FBXO33: variants seen among roughly 807,000 people sequenced by gnomAD.
The protein encoded by FBXO33 is F-box only protein 33.
A neutral mutation model predicts 46.3 loss-of-function variants in FBXO33; 22 were observed. The observed-to-expected ratio is 0.48, with a 90% CI of 0.34 to 0.68. The LOEUF is 0.68. Ranked by LOEUF, FBXO33 falls within the 30% of genes least tolerant of loss-of-function variation. FBXO33 has a pLI of 0.01. For synonymous variants in FBXO33, 337 were observed against 291.3 expected, an observed-to-expected ratio of 1.16 and a Z score of -1.60; for missense variants, 692 against 708.8, an observed-to-expected ratio of 0.98 and a Z score of 0.27.
intron 1 of FBXO33, among the ~76,000 whole-genome samples, chr14:39,404,350 GGA>G: frequency 6.6e-6 from 1 of 152,000 alleles, no homozygotes; most frequent in Non-Finnish European, 1.5e-5. Context: ...TGTTTGAGAT[GGA>G]GTCTCGCTCT....
chr14:39,414,023 G>T (rs929561770), intron 1 of FBXO33, among the ~76,000 whole-genome samples: 6 of 152,162 alleles, frequency 3.9e-5, no homozygotes, highest in Non-Finnish European at 7.4e-5. Context: ...GTCTTTTGAC[G>T]CTTTTAAAGT....
Position 39,399,380 on chromosome 14 carries a change from G to T in FBXO33, c.*136C>A. 1 of 764,188 alleles carries T rather than the reference G, an allele frequency of 1.3e-6. No homozygotes were observed. The allele number at this position is 764,188 out of a possible 1,614,324, so 47.3% of individuals were successfully genotyped here. A position where few individuals can be genotyped will look rare whatever the true frequency, so the allele number is the denominator to read the frequency against. ...GACTACGTTCTTTGATCAAGAAGTA[G>T]AATATACATATATAATTCTATAAAG... On this transcript the variant is annotated 3_prime_UTR_variant, in exon 4 of 4. Transcript: ENST00000298097.
chr14:39,422,458 G>T (rs1181409490), intron 1 of FBXO33, among the ~76,000 whole-genome samples: 1 of 152,146 alleles, frequency 6.6e-6, no homozygotes. Flanking sequence ...TGAAATGTCA[G>T]ATCACATCAC....
chr14:39,423,873 T>C (rs966589277), intron 1 of FBXO33, among the ~76,000 whole-genome samples: 7 of 152,172 alleles, frequency 4.6e-5, no homozygotes, highest in Non-Finnish European at 7.3e-5. Flanking sequence ...CAAAGGTATA[T>C]TGTGTAATAC....
chr14:39,401,258 T>C lies in FBXO33; in HGVS notation c.1314A>G (p.Pro438=). The C allele has an allele frequency of 6.2e-7, 1 of 1,613,962 alleles. No individual in the cohort carries two copies. The highest frequency in any genetic ancestry group is 8.5e-7 in the Non-Finnish European group (1 of 1,179,976). ...CTTCATTTCGGTTGTCACTAAGATC[T>C]GGAAAACCAGATGTGTCAATCACAT... ...MNDVIDTSGF[P]DLSDNRNEDP... is the part of the protein sequence containing the mutation. Residue 438 remains proline (P), a synonymous_variant, in exon 3 of 4, where the codon CCA becomes CCG. Coordinates refer to ENST00000298097, the MANE Select transcript of FBXO33 (RefSeq NM_203301.4).
chr14:39,408,018 G>C (rs1296961256), intron 1 of FBXO33, among the ~76,000 whole-genome samples: 1 of 152,192 alleles, frequency 6.6e-6, no homozygotes. Flanking sequence ...TAGGCTCACT[G>C]CAGCCTCAAC....
chr14:39,401,937 G>T, intron 2 of FBXO33, 76 bp from the exon 3 acceptor site: 3 of 1,229,440 alleles, frequency 2.4e-6, no homozygotes, highest in Non-Finnish European at 3.4e-6. Flanking sequence ...TTTGAAAATA[G>T]GCAATGAAAA....
In FBXO33 at chr14:39,398,465, CTTTTTTT is replaced by C. The variant is rs57604339; in HGVS notation, c.*1044_*1050del. 4.8e-5 allele frequency: 6 copies of C among 125,884 alleles called. No individual in the cohort carries two copies. Among genetic ancestry groups the C allele is most frequent in the South Asian group, 2.6e-4 (1 of 3,902 alleles). The allele number at this position is 125,884 out of a possible 1,614,324, so 7.8% of individuals were successfully genotyped here. A position where few individuals can be genotyped will look rare whatever the true frequency, so the allele number is the denominator to read the frequency against. Reference sequence around the variant, plus strand: ...TGAAACAGGTGCATGTTTTTTTTTTCTTTTTTTTTTTTTTTTGTTTTGTTTTTTCAGA... The same window carrying C: ...TGAAACAGGTGCATGTTTTTTTTTTCTTTTTTTTTGTTTTGTTTTTTCAGA... On this transcript the variant is annotated 3_prime_UTR_variant, in exon 4 of 4. Coordinates refer to ENST00000298097, the MANE Select transcript of FBXO33 (RefSeq NM_203301.4).
At chr14:39,422,634 C>T (rs553897103) in intron 1 of FBXO33, among the ~76,000 whole-genome samples, 32 of 152,096 alleles carry the variant, frequency 2.1e-4, no homozygotes, top group Middle Eastern at 3.2e-3. Context: ...TCTTTTTTCA[C>T]CCTTCATAAG....
chr14:39,400,652 G>A (rs939607096), intron 3 of FBXO33, among the ~76,000 whole-genome samples: 2 of 152,098 alleles, frequency 1.3e-5, no homozygotes, highest in African/African-American at 2.4e-5. Context: ...ACAAGTATCC[G>A]AAAAGGAAGT....
rs574034818 is a variant in FBXO33, at chr14:39,410,641, G to C, written c.600-8130C>G. Among the ~76,000 whole-genome samples the C allele has an allele frequency of 7.9e-5, 12 of 152,308 alleles. No homozygotes were observed. The South Asian group carries it at 2.3e-3, about 29-fold the overall frequency. On this transcript the variant is annotated intron_variant, in intron 1 of 3. Transcript: ENST00000298097. ...ATATTTGGTAGAATTCACCTGTGAA[G>C]CCATCCAGTCCTGGGCTTTTCTTTT...
chr14:39,428,580 T>C (rs1196140075), intron 1 of FBXO33, among the ~76,000 whole-genome samples: 2 of 152,148 alleles, frequency 1.3e-5, no homozygotes, highest in Non-Finnish European at 2.9e-5. Flanking sequence ...ATGTAAAACA[T>C]TTATACAGCC....
intron 1 of FBXO33, among the ~76,000 whole-genome samples, chr14:39,426,530 T>G (rs142401546): frequency 9.1e-4 from 138 of 152,374 alleles, no homozygotes; most frequent in African/African-American, 2.9e-3. Context: ...TCTTCTATCC[T>G]TGGAATATAT....
At chr14:39,402,330 T>C in intron 2 of FBXO33, 71 bp downstream of exon 2, 1 of 813,300 alleles carries the variant, frequency 1.2e-6, no homozygotes, top group Non-Finnish European at 1.8e-6. Flanking sequence ...CTTCTGTTTG[T>C]ATCTCATAAT....
chr14:39,430,379 T>C (rs2075536889), intron 1 of FBXO33, among the ~76,000 whole-genome samples: 1 of 152,210 alleles, frequency 6.6e-6, no homozygotes, highest in Non-Finnish European at 1.5e-5. Context: ...CATACATATA[T>C]ATATATAACC....
At chr14:39,422,190 G>A (rs8003621) in intron 1 of FBXO33, among the ~76,000 whole-genome samples, 40,287 of 152,100 alleles carry the variant, frequency 0.26, 5,589 homozygotes, top group East Asian at 0.51. Flanking sequence ...GCTGGGAGGC[G>A]GAGGTTGCAG....
At chr14:39,403,584 T>A (rs554037082) in intron 1 of FBXO33, among the ~76,000 whole-genome samples, 5 of 152,176 alleles carry the variant, frequency 3.3e-5, no homozygotes, top group Non-Finnish European at 7.3e-5. Flanking sequence ...TATGTTAAAA[T>A]CTTTTGGTTT....
At chr14:39,425,517 T>A (rs368977609) in intron 1 of FBXO33, among the ~76,000 whole-genome samples, 6 of 152,374 alleles carry the variant, frequency 3.9e-5, no homozygotes, top group East Asian at 3.9e-4. Context: ...TTTTCCTTTT[T>A]TAAATTAATA....
At chr14:39,409,399 GGTTT>G (rs988467371) in intron 1 of FBXO33, among the ~76,000 whole-genome samples, 1 of 151,970 alleles carries the variant, frequency 6.6e-6, no homozygotes, top group African/African-American at 2.4e-5. Flanking sequence ...TAAATGAGTG[GGTTT>G]ATTTATGGGG....
Sources: allele counts gnomAD v4.1 joint callset (sites outside exome capture counted in the v4.1 genomes callset), GRCh38; gene constraint gnomAD v4.1.1; transcripts MANE v1.5; gene names NCBI Gene and HGNC (gene_info 2026-07-23, HGNC 2026-07-21).